The following TCHP variants were observed in gnomAD, a reference collection of about 807,000 sequenced individuals.
TCHP encodes trichoplein keratin filament binding, also known as trichoplein keratin filament-binding protein.
In TCHP, 81 loss-of-function variants were observed where a neutral mutation model predicts 88.7. The observed-to-expected ratio is 0.91, with a 90% CI of 0.76 to 1.10. The LOEUF (loss-of-function observed/expected upper bound fraction) is 1.10, where lower values mean the gene tolerates loss of function less well. Among genes scored for constraint, TCHP ranks in the 50% least tolerant of loss-of-function variants. The pLI, the probability that TCHP is intolerant of heterozygous loss-of-function variation, is 0.00. For missense variants in TCHP, 641 were observed against 632.1 expected, an observed-to-expected ratio of 1.01 and a Z score of -0.15; for synonymous variants, 232 against 232.5, an observed-to-expected ratio of 1.00 and a Z score of 0.02.
At position 109,908,608 on chromosome 12, in the gene TCHP, A is replaced by G; in HGVS notation, c.722A>G (p.Gln241Arg). 2 of 1,602,012 alleles carry G rather than the reference A, an allele frequency of 1.2e-6. No individual in the cohort carries two copies. The highest frequency in any genetic ancestry group is 1.7e-6 in the Non-Finnish European group (2 of 1,175,642). The change falls in exon 7 of 13, where the codon CAG becomes CGG. Residue 241 changes from glutamine (Q) to arginine (R), a missense_variant. Coordinates refer to ENST00000405876, the MANE Select transcript of TCHP (RefSeq NM_001143852.2). ...CAGGCGACCAAACTAAAGAAGGAGC[A>G]GGAGAATCTGTTGAAGCAGCGGTGG... ...EVEATKLKKE[Q>R]ENLLKQRWEL... is the part of the protein sequence containing the mutation.
At chr12:109,887,282 T>C in the TCHP span, among the ~76,000 whole-genome samples, 1 of 151,354 alleles carries the variant, frequency 6.6e-6, no homozygotes, top group South Asian at 2.1e-4. Context: ...ATTAGCTGGG[T>C]GTGGTGGTGC....
chr12:109,907,744 C>G (rs373315645), intron 6 of TCHP, 45 bp downstream of exon 6: 3 of 1,548,562 alleles, frequency 1.9e-6, no homozygotes, highest in African/African-American at 1.4e-5. Flanking sequence ...CACAGCTGCT[C>G]GTTAGCATGA....
At chr12:109,904,235 T>A in intron 3 of TCHP, 88 bp downstream of exon 3, 1 of 1,230,150 alleles carries the variant, frequency 8.1e-7, no homozygotes, top group South Asian at 1.3e-5. Context: ...TCCTGGGTGC[T>A]CAGGTCTGAT....
At chr12:109,889,211 T>TGCCTGTAATCCCAGCACTTTGGGAG in the TCHP span, among the ~76,000 whole-genome samples, 1 of 152,020 alleles carries the variant, frequency 6.6e-6, no homozygotes, top group Non-Finnish European at 1.5e-5. Flanking sequence ...CGGTGGCTCA[T>TGCCTGTAATCCCAGCACTTTGGGAG]GCCTGTAATC....
At chr12:109,902,762 C>T (rs546611984) in intron 1 of TCHP, among the ~76,000 whole-genome samples, 1 of 152,304 alleles carries the variant, frequency 6.6e-6, no homozygotes, top group East Asian at 1.9e-4. Context: ...GCGTGAGCCA[C>T]GGCAAATTTA....
chr12:109,887,591 C>T, the TCHP span, among the ~76,000 whole-genome samples: 16 of 152,174 alleles, frequency 1.1e-4, no homozygotes, highest in Middle Eastern at 0.017. Context: ...CCATAGGTTA[C>T]AACTTCCTAT....
chr12:109,914,013 G>C (rs779447439), intron 10 of TCHP, among the ~76,000 whole-genome samples: 1 of 152,174 alleles, frequency 6.6e-6, no homozygotes. Flanking sequence ...AACACAGCAG[G>C]TTCAAAAGGT....
chr12:109,892,280 G>A, the TCHP span, among the ~76,000 whole-genome samples: 1 of 152,218 alleles, frequency 6.6e-6, no homozygotes, highest in African/African-American at 2.4e-5. Flanking sequence ...AGGGAATCAG[G>A]AGGGCTTCTC....
rs2136081325 is a variant in TCHP, at chr12:109,913,192, G to A, written c.1134+120G>A. ...AGAGTCTTCTCTGGTCATTTTAAGT[G>A]GGCTTTAAAAATCATTGAAAAAGTA... is the stretch of plus-strand genomic sequence containing the variant. On this transcript the variant is annotated intron_variant, in intron 10 of 12. Transcript: ENST00000405876. The A allele has an allele frequency of 6.0e-6, 5 of 838,556 alleles. No homozygotes were observed. The South Asian group carries it at 7.6e-5, about 13-fold the overall frequency. 51.9% of individuals were successfully genotyped at this position (838,556 alleles called of 1,614,324 possible). A position where few individuals can be genotyped will look rare whatever the true frequency, so the allele number is the denominator to read the frequency against.
upstream of TCHP, among the ~76,000 whole-genome samples, chr12:109,897,083 G>T (rs1389089543): frequency 6.6e-6 from 1 of 152,174 alleles, no homozygotes; most frequent in Non-Finnish European, 1.5e-5. Flanking sequence ...TTCAAATCAT[G>T]GCTCAACCAC....
intron 8 of TCHP, among the ~76,000 whole-genome samples, chr12:109,910,030 T>G (rs1485092971): frequency 2.0e-5 from 3 of 151,940 alleles, no homozygotes; most frequent in Admixed American, 2.0e-4. Flanking sequence ...TCCCAGATAC[T>G]CGGGGGGCTG....
intron 12 of TCHP, among the ~76,000 whole-genome samples, chr12:109,916,001 C>T (rs559107887): frequency 1.3e-5 from 2 of 152,220 alleles, no homozygotes; most frequent in African/African-American, 4.8e-5. Flanking sequence ...GTTTCTCTGC[C>T]TCTCAGTGTC....
upstream of TCHP, among the ~76,000 whole-genome samples, chr12:109,897,716 C>G (rs545368037): frequency 3.9e-5 from 6 of 152,190 alleles, no homozygotes; most frequent in South Asian, 2.1e-4. Flanking sequence ...TGCCACCACA[C>G]CTGGCTAATT....
Position 109,915,426 on chromosome 12 carries a change from AT to A in TCHP, c.1345del (p.Trp449GlyfsTer64). ...AGGTTGCAGAGCGCCGGCTGCAGGC[AT>A]GGGAAGCAGACCAGCAGGAGGAGGA... ...AQVAERRLQA[W>X]EADQQEEEEE... On this transcript the variant is annotated frameshift_variant, in exon 12 of 13. Coordinates refer to ENST00000405876, the MANE Select transcript of TCHP (RefSeq NM_001143852.2). LOFTEE classifies it high-confidence loss of function. 2 of 1,614,160 alleles carry A rather than the reference AT, an allele frequency of 1.2e-6. No individual in the cohort carries two copies. Among genetic ancestry groups the A allele is most frequent in the Non-Finnish European group, 1.7e-6 (2 of 1,180,030 alleles).
chr12:109,883,286 T>C, the TCHP span, among the ~76,000 whole-genome samples: 1 of 151,580 alleles, frequency 6.6e-6, no homozygotes, highest in Non-Finnish European at 1.5e-5. Context: ...TCCTCCCACC[T>C]TGGCTTCCCA....
chr12:109,883,041 C>CT, the TCHP span, among the ~76,000 whole-genome samples: 4,309 of 137,006 alleles, frequency 0.031, 144 homozygotes, highest in African/African-American at 0.084. Context: ...TTTTTTTTTT[C>CT]TTTTTTTTTT....
rs1220659021 is a variant in TCHP, at chr12:109,918,044, T to C, written c.*1421T>C. 1 of 152,180 alleles carries C rather than the reference T, an allele frequency of 6.6e-6. No homozygotes were observed. Among genetic ancestry groups the C allele is most frequent in the South Asian group, 2.1e-4 (1 of 4,826 alleles). 9.4% of individuals were successfully genotyped at this position (152,180 alleles called of 1,614,324 possible). On this transcript the variant is annotated 3_prime_UTR_variant, in exon 13 of 13. Coordinates refer to ENST00000405876, the MANE Select transcript of TCHP (RefSeq NM_001143852.2). The stretch of plus-strand genomic sequence containing the variant: ...CCCCATTTCAGATGTCCAGTAATGG[T>C]GAAATAAAATCCTGCTTCGACAGCA...
chr12:109,914,857 C>A, intron 11 of TCHP: 1 of 493,792 alleles, frequency 2.0e-6, no homozygotes, highest in Non-Finnish European at 3.6e-6. Flanking sequence ...GTTCTCTTTA[C>A]TCTGTCTGCT....
chr12:109,906,078 C>T (rs1027728023), intron 4 of TCHP, among the ~76,000 whole-genome samples: 4 of 152,194 alleles, frequency 2.6e-5, no homozygotes, highest in Non-Finnish European at 4.4e-5. Flanking sequence ...AGATTGTCTG[C>T]GCTCAAATCT....
Sources: gnomAD v4.1 joint callset for allele counts (sites outside exome capture counted in the v4.1 genomes callset) on GRCh38, gnomAD v4.1.1 for gene constraint, MANE v1.5 for transcripts, NCBI Gene and HGNC (gene_info 2026-07-23, HGNC 2026-07-21) for gene names.